The following GASK1B variants were observed in gnomAD, a reference collection of about 807,000 sequenced individuals.
The protein encoded by GASK1B is golgi associated kinase 1B.
In GASK1B, 34 loss-of-function variants were observed where a neutral mutation model predicts 42.8. The observed-to-expected ratio is 0.79, with a 90% CI of 0.60 to 1.06. GASK1B has a LOEUF of 1.06. Ranked by LOEUF, GASK1B falls within the 50% of genes least tolerant of loss-of-function variation. The probability of loss-of-function intolerance (pLI) is 0.00; values close to 1 mark genes in which losing one functional copy is unlikely to be tolerated. For missense variants in GASK1B, 686 were observed against 661.0 expected (o/e 1.04, Z -0.42); for synonymous variants, 262 against 259.1 (o/e 1.01, Z -0.11).
At chr4:158,151,121 G>A (rs187882768) in intron 3 of GASK1B, among the ~76,000 whole-genome samples, 42 of 152,300 alleles carry the variant, frequency 2.8e-4, no homozygotes, top group African/African-American at 8.7e-4. Context: ...TAAAATGGGC[G>A]AAGGGAAAGG....
chr4:158,137,245 T>A (rs928308312), intron 3 of GASK1B, among the ~76,000 whole-genome samples: 1 of 151,716 alleles, frequency 6.6e-6, no homozygotes, highest in African/African-American at 2.4e-5. Context: ...AATAAATACA[T>A]ACTAGGCAGG....
At chr4:158,163,034 T>C (rs1207176207) in intron 2 of GASK1B, among the ~76,000 whole-genome samples, 1 of 152,188 alleles carries the variant, frequency 6.6e-6, no homozygotes, top group East Asian at 1.9e-4. Flanking sequence ...TACAAGATTA[T>C]CTGATGTAGG....
chr4:158,145,236 CA>C (rs143850125), intron 3 of GASK1B, among the ~76,000 whole-genome samples: 3,053 of 152,094 alleles, frequency 0.02, 103 homozygotes, highest in African/African-American at 0.068. Context: ...TGCACAGAAT[CA>C]AAAATAGGAG....
intron 3 of GASK1B, among the ~76,000 whole-genome samples, chr4:158,140,982 G>A (rs1003923964): frequency 2.6e-5 from 4 of 152,198 alleles, no homozygotes; most frequent in African/African-American, 9.7e-5. Flanking sequence ...TCAACTGGTT[G>A]TCACTTAGCA....
chr4:158,142,264 C>T (rs1274309783), intron 3 of GASK1B, among the ~76,000 whole-genome samples: 2 of 152,052 alleles, frequency 1.3e-5, no homozygotes, highest in Admixed American at 1.3e-4. Flanking sequence ...TTTCTTACAG[C>T]ACCAAATACC....
chr4:158,143,272 T>C (rs565350250), intron 3 of GASK1B, among the ~76,000 whole-genome samples: 1 of 152,332 alleles, frequency 6.6e-6, no homozygotes, highest in South Asian at 2.1e-4. Flanking sequence ...GACAGGCACA[T>C]AGGGGTTTAT....
Position 158,131,606 on chromosome 4 carries a change from A to G in GASK1B, c.1126-594T>C, listed in dbSNP as rs112410269. On this transcript the variant is annotated intron_variant, in intron 3 of 4. Coordinates refer to ENST00000585682, the MANE Select transcript of GASK1B (RefSeq NM_001128424.2). ...CTAAACATATGAACAAAATGGGCCTACTGAAGTTTATTATGGGAGTTAAGG... is the reference window on the plus strand; with the variant it reads ...CTAAACATATGAACAAAATGGGCCTGCTGAAGTTTATTATGGGAGTTAAGG... 4.5e-3 allele frequency among the ~76,000 whole-genome samples: 678 copies of G among 152,342 alleles called. 9 individuals carry two copies. The highest frequency in any genetic ancestry group is 0.016 in the African/African-American group (645 of 41,576).
rs1162622038 is a variant in GASK1B at position 158,126,677 on chromosome 4, T to C, written c.*730A>G. On this transcript the variant is annotated 3_prime_UTR_variant, in exon 5 of 5. Coordinates refer to ENST00000585682, the MANE Select transcript of GASK1B (RefSeq NM_001128424.2). ...ATTATTTAATTTCTCAGCCACTAGA[T>C]ACAAATTGGACCAAAATAGAGAGAG... 6.6e-6 allele frequency: 1 copy of C among 152,146 alleles called. No homozygotes were observed. Among genetic ancestry groups the C allele is most frequent in the Non-Finnish European group, 1.5e-5 (1 of 68,008 alleles). The allele number at this position is 152,146 out of a possible 1,614,324, so 9.4% of individuals were successfully genotyped here. A position where few individuals can be genotyped will look rare whatever the true frequency, so the allele number is the denominator to read the frequency against.
At chr4:158,151,678 CA>C (rs1553959370) in intron 3 of GASK1B, among the ~76,000 whole-genome samples, 1 of 20,610 alleles carries the variant, frequency 4.9e-5, no homozygotes, top group African/African-American at 8.1e-5. Context: ...CCTTTACACG[CA>C]AAACTACAAA....
chr4:158,136,656 G>A (rs551770571), intron 3 of GASK1B, among the ~76,000 whole-genome samples: 15 of 152,160 alleles, frequency 9.9e-5, no homozygotes, highest in Admixed American at 6.5e-4. Context: ...CCTCTTTAAG[G>A]GTCTAAGTGA....
rs1184273608 is a variant in GASK1B, at chr4:158,124,686, A to G, written c.*2721T>C. 6.6e-6 allele frequency: 1 copy of G among 152,146 alleles called. No homozygotes were observed. Among genetic ancestry groups the G allele is most frequent in the African/African-American group, 2.4e-5 (1 of 41,454 alleles). The allele number at this position is 152,146 out of a possible 1,614,324, so 9.4% of individuals were successfully genotyped here. ...TATGATTACAAGTCCAAAGATTACAAATATAATGATGATATCAAATATATG... is the reference window on the plus strand; with the variant it reads ...TATGATTACAAGTCCAAAGATTACAGATATAATGATGATATCAAATATATG... On this transcript the variant is annotated 3_prime_UTR_variant, in exon 5 of 5. Transcript: ENST00000585682.
chr4:158,127,072 G>T lies in GASK1B; in HGVS notation c.*335C>A, dbSNP rs1730479797. ...TTTATTAATGGAGTCAGTGTCTCTG[G>T]TTTGCAGTTTTCTATTAAACAGCAT... On this transcript the variant is annotated 3_prime_UTR_variant, in exon 5 of 5. Transcript: ENST00000585682. 2 of 199,062 alleles carry T rather than the reference G, an allele frequency of 1.0e-5. No individual in the cohort carries two copies. Among genetic ancestry groups the T allele is most frequent in the South Asian group, 9.4e-5 (1 of 10,668 alleles). 12.3% of individuals were successfully genotyped at this position (199,062 alleles called of 1,614,324 possible).
intron 3 of GASK1B, among the ~76,000 whole-genome samples, chr4:158,137,804 C>T (rs561332338): frequency 6.6e-6 from 1 of 152,240 alleles, no homozygotes; most frequent in African/African-American, 2.4e-5. Context: ...TTCTCTGCTG[C>T]CATGACAACA....
chr4:158,142,155 A>G (rs1382036245), intron 3 of GASK1B, among the ~76,000 whole-genome samples: 4 of 148,466 alleles, frequency 2.7e-5, no homozygotes, highest in African/African-American at 1.0e-4. Context: ...CTTGTTAGCC[A>G]GGATGGTCTC....
At chr4:158,133,841 T>C (rs1015553199) in intron 3 of GASK1B, among the ~76,000 whole-genome samples, 4 of 152,240 alleles carry the variant, frequency 2.6e-5, no homozygotes, top group African/African-American at 4.8e-5. Context: ...ACTTCTCTTA[T>C]AGAAAATGTT....
intron 4 of GASK1B, among the ~76,000 whole-genome samples, chr4:158,129,909 T>C (rs1730613586): frequency 6.6e-6 from 1 of 152,196 alleles, no homozygotes; most frequent in Non-Finnish European, 1.5e-5. Flanking sequence ...CAATTTCCAC[T>C]GCTGGGGTTG....
At chr4:158,165,020 A>G (rs1732172641) in intron 2 of GASK1B, among the ~76,000 whole-genome samples, 1 of 152,356 alleles carries the variant, frequency 6.6e-6, no homozygotes, top group Non-Finnish European at 1.5e-5. Context: ...CAGCATTGAC[A>G]TACAGAATTC....
At chr4:158,170,336 C>G (rs1560795678) in intron 2 of GASK1B, 130 bp downstream of exon 2, 1 of 1,607,306 alleles carries the variant, frequency 6.2e-7, no homozygotes, top group South Asian at 1.1e-5. Context: ...GAAAGACACG[C>G]TGCTGCTGCT....
chr4:158,169,852 A>G (rs1732389614), intron 2 of GASK1B: 1 of 186,130 alleles, frequency 5.4e-6, no homozygotes, highest in Admixed American at 5.3e-5. Context: ...TCAATAGATC[A>G]TAGTCAGGGG....
Sources: allele counts gnomAD v4.1 joint callset (sites outside exome capture counted in the v4.1 genomes callset), GRCh38; gene constraint gnomAD v4.1.1; transcripts MANE v1.5; gene names NCBI Gene and HGNC (gene_info 2026-07-23, HGNC 2026-07-21).